KCNH5: variants seen among roughly 807,000 people sequenced by gnomAD.
KCNH5 encodes potassium voltage-gated channel subfamily H member 5, also known as voltage-gated delayed rectifier potassium channel KCNH5.
A neutral mutation model predicts 96.1 loss-of-function variants in KCNH5; 46 were observed. The ratio of observed to expected loss-of-function variants is 0.48; its 90% CI spans 0.38 to 0.61. KCNH5 has a LOEUF of 0.61. Among genes scored for constraint, KCNH5 ranks in the 20% least tolerant of loss-of-function variants. The pLI is 0.00. For synonymous variants in KCNH5, 439 were observed against 449.8 expected, an observed-to-expected ratio of 0.98 and a Z score of 0.30; for missense variants, 907 against 1,225.8, an observed-to-expected ratio of 0.74 and a Z score of 3.88.
intron 7 of KCNH5, among the ~76,000 whole-genome samples, chr14:62,932,475 TAA>T (rs199801361): frequency 3.9e-5 from 4 of 102,460 alleles, no homozygotes; most frequent in Non-Finnish European, 8.4e-5. Flanking sequence ...GAAATGAGAT[TAA>T]AAAAAAAAAA....
intron 10 of KCNH5, among the ~76,000 whole-genome samples, chr14:62,758,741 A>T (rs1885682202): frequency 6.6e-6 from 1 of 152,214 alleles, no homozygotes; most frequent in Admixed American, 6.5e-5. Flanking sequence ...ACATGACCCT[A>T]CAAAGCAACA....
chr14:62,908,752 T>C (rs374784746), intron 7 of KCNH5, among the ~76,000 whole-genome samples: 3 of 149,808 alleles, frequency 2.0e-5, no homozygotes, highest in Admixed American at 2.0e-4. Context: ...TTGCCCCATG[T>C]GCCTTTGCCC....
At chr14:62,952,759 T>C (rs1484467717) in intron 6 of KCNH5, among the ~76,000 whole-genome samples, 1 of 152,104 alleles carries the variant, frequency 6.6e-6, no homozygotes, top group Non-Finnish European at 1.5e-5. Flanking sequence ...TAGAATGTCA[T>C]GAGTTAGGAC....
chr14:62,799,228 TGATAA>T (rs1161226735), intron 9 of KCNH5, among the ~76,000 whole-genome samples: 1 of 152,006 alleles, frequency 6.6e-6, no homozygotes, highest in East Asian at 1.9e-4. Context: ...AACGCATGAA[TGATAA>T]GATATGTTAA....
chr14:62,966,413 C>A (rs1210029320), intron 6 of KCNH5, among the ~76,000 whole-genome samples: 1 of 152,182 alleles, frequency 6.6e-6, no homozygotes, highest in Admixed American at 6.5e-5. Context: ...TGTCCCCAGT[C>A]TCCCCAAGAA....
intron 7 of KCNH5, among the ~76,000 whole-genome samples, chr14:62,915,633 G>A (rs1201087513): frequency 6.6e-6 from 1 of 152,080 alleles, no homozygotes; most frequent in African/African-American, 2.4e-5. Flanking sequence ...TGAAGTGAAA[G>A]TATACATAAA....
At chr14:62,948,360 A>G (rs1218208876) in intron 7 of KCNH5, among the ~76,000 whole-genome samples, 1 of 152,184 alleles carries the variant, frequency 6.6e-6, no homozygotes, top group East Asian at 1.9e-4. Flanking sequence ...ACAAACTACC[A>G]TCAGAGAATA....
intron 1 of KCNH5, among the ~76,000 whole-genome samples, chr14:63,020,272 T>C (rs1356920557): frequency 1.3e-5 from 2 of 152,140 alleles, no homozygotes; most frequent in African/African-American, 4.8e-5. Context: ...AAGTTAAATA[T>C]GTATCTATGA....
chr14:63,001,541 C>T, intron 3 of KCNH5, 82 bp from the exon 4 acceptor site: 2 of 1,307,168 alleles, frequency 1.5e-6, no homozygotes, highest in East Asian at 2.5e-5. Context: ...CTTCCTTCTT[C>T]CTTCAGCTGC....
Position 63,014,757 on chromosome 14 carries a change from GA to G in KCNH5, c.197+2073del, listed in dbSNP as rs1389619362. On this transcript the variant is annotated intron_variant, in intron 2 of 10. Transcript: ENST00000322893. Reference sequence around the variant, plus strand: ...AGAAACTATGAGGAGTCAGAGAAGGGAAAAACCTGTCTTGCTTAGGGAAGCA... The same window carrying G: ...AGAAACTATGAGGAGTCAGAGAAGGGAAAACCTGTCTTGCTTAGGGAAGCA... Among the ~76,000 whole-genome samples, 17 of 152,238 alleles carry G rather than the reference GA, an allele frequency of 1.1e-4. No individual in the cohort carries two copies. In the East Asian group the frequency reaches 3.3e-3, roughly 29 times the overall value.
At chr14:62,902,681 G>C (rs933172679) in intron 7 of KCNH5, among the ~76,000 whole-genome samples, 5 of 150,340 alleles carry the variant, frequency 3.3e-5, no homozygotes, top group African/African-American at 1.2e-4. Flanking sequence ...CTTTGTATCA[G>C]TTTTATCTGA....
chr14:63,020,472 T>A (rs1032156049), intron 1 of KCNH5, among the ~76,000 whole-genome samples: 1 of 152,102 alleles, frequency 6.6e-6, no homozygotes, highest in African/African-American at 2.4e-5. Context: ...TACTCAGCTC[T>A]AAAATGGAAC....
Position 63,043,923 on chromosome 14 carries a change from TAAG to T in KCNH5, c.73+1188_73+1190del, listed in dbSNP as rs371702869. On this transcript the variant is annotated intron_variant, in intron 1 of 10. Coordinates refer to ENST00000322893, the MANE Select transcript of KCNH5 (RefSeq NM_139318.5). Reference sequence around the variant, plus strand: ...GCCTCCAACTAGGCAAGGAGCCTCTTAAGAAGAGGGGATGTGTATTAATTACTT... The same window carrying T: ...GCCTCCAACTAGGCAAGGAGCCTCTTAAGAGGGGATGTGTATTAATTACTT... Among the ~76,000 whole-genome samples the T allele has an allele frequency of 2.7e-3, 412 of 152,288 alleles. 1 individual carries two copies. The highest frequency in any genetic ancestry group is 9.6e-3 in the African/African-American group (397 of 41,556).
At chr14:62,857,283 G>A (rs1227152375) in intron 7 of KCNH5, among the ~76,000 whole-genome samples, 2 of 152,142 alleles carry the variant, frequency 1.3e-5, no homozygotes, top group Non-Finnish European at 2.9e-5. Context: ...GATGTGGGAA[G>A]ATTGTTTACT....
intron 1 of KCNH5, among the ~76,000 whole-genome samples, chr14:63,036,169 A>T (rs1891717715): frequency 6.6e-6 from 1 of 152,218 alleles, no homozygotes; most frequent in Non-Finnish European, 1.5e-5. Flanking sequence ...TCCCTCTTGG[A>T]GACCTTTAGT....
At chr14:62,815,088 C>CTCATTCATTAT (rs1886951298) in intron 8 of KCNH5, among the ~76,000 whole-genome samples, 4 of 152,068 alleles carry the variant, frequency 2.6e-5, no homozygotes, top group Middle Eastern at 3.4e-3. Context: ...CATAATGAAC[C>CTCATTCATTAT]GCTATTCAGC....
chr14:62,745,495 A>G (rs1440086790), intron 10 of KCNH5, among the ~76,000 whole-genome samples: 1 of 152,244 alleles, frequency 6.6e-6, no homozygotes, highest in Non-Finnish European at 1.5e-5. Flanking sequence ...CAAGTATAAT[A>G]TAGACAGAAA....
rs890520143 is a variant in KCNH5 at position 63,024,218 on chromosome 14, A to G, written c.74-7264T>C. Among the ~76,000 whole-genome samples, 18 of 151,580 alleles carry G rather than the reference A, an allele frequency of 1.2e-4. 1 individual carries two copies. The highest frequency in any genetic ancestry group is 3.9e-4 in the African/African-American group (16 of 41,396). Reference sequence around the variant, plus strand: ...AGTGAGACTCCATCTCAAAAAATATATATATATATATCTTGAGACAAATGA... The same window carrying G: ...AGTGAGACTCCATCTCAAAAAATATGTATATATATATCTTGAGACAAATGA... On this transcript the variant is annotated intron_variant, in intron 1 of 10. Coordinates refer to ENST00000322893, the MANE Select transcript of KCNH5 (RefSeq NM_139318.5).
At chr14:62,980,836 C>A in intron 6 of KCNH5, 36 bp downstream of exon 6, 5 of 1,595,758 alleles carry the variant, frequency 3.1e-6, no homozygotes, top group Non-Finnish European at 4.3e-6. Flanking sequence ...AAATATATGA[C>A]CCACAGTACT....
Sources: allele counts gnomAD v4.1 joint callset (sites outside exome capture counted in the v4.1 genomes callset), GRCh38; gene constraint gnomAD v4.1.1; transcripts MANE v1.5; gene names NCBI Gene and HGNC (gene_info 2026-07-23, HGNC 2026-07-21).